Variants in KLHL29 observed in about 807,000 individuals in gnomAD.
KLHL29 encodes kelch-like protein 29.
In KLHL29, 21 loss-of-function variants were observed where a neutral mutation model predicts 80.4. The ratio of observed to expected loss-of-function variants is 0.26; its 90% CI spans 0.19 to 0.38. The LOEUF (loss-of-function observed/expected upper bound fraction) is 0.38, where lower values mean the gene tolerates loss of function less well. Ranked by LOEUF, KLHL29 falls within the 10% of genes least tolerant of loss-of-function variation. The probability of loss-of-function intolerance (pLI) is 1.00; values close to 1 mark genes in which losing one functional copy is unlikely to be tolerated. For synonymous variants in KLHL29, 511 were observed against 526.8 expected (o/e 0.97, Z 0.41); for missense variants, 867 against 1,223.9 (o/e 0.71, Z 4.35).
At chr2:23,463,222 CT>C (rs149100388) in intron 1 of KLHL29, among the ~76,000 whole-genome samples, 162 of 119,784 alleles carry the variant, frequency 1.4e-3, no homozygotes, top group African/African-American at 1.9e-3. Flanking sequence ...GTGTTTTTGG[CT>C]TTTTTTTTTT....
chr2:23,659,786 G>A (rs1023884936), intron 5 of KLHL29, among the ~76,000 whole-genome samples: 2 of 151,798 alleles, frequency 1.3e-5, no homozygotes, highest in African/African-American at 2.4e-5. Flanking sequence ...CCCTCCTCCA[G>A]GCCTGGCCAG....
intron 1 of KLHL29, among the ~76,000 whole-genome samples, chr2:23,397,842 A>C (rs1666489664): frequency 6.6e-6 from 1 of 152,252 alleles, no homozygotes; most frequent in Non-Finnish European, 1.5e-5. Flanking sequence ...ACCAATGGCC[A>C]ATAAGGACAC....
intron 2 of KLHL29, among the ~76,000 whole-genome samples, chr2:23,476,099 T>C (rs1372020619): frequency 6.6e-6 from 1 of 151,990 alleles, no homozygotes; most frequent in Non-Finnish European, 1.5e-5. Context: ...GGTCTCCAAC[T>C]CCTGACCTCA....
At position 23,553,503 on chromosome 2, in the gene KLHL29, C is replaced by T. The variant is rs145013099; in HGVS notation, c.-45-8649C>T. Among the ~76,000 whole-genome samples the T allele has an allele frequency of 8.5e-5, 13 of 152,324 alleles. No homozygotes were observed. In the East Asian group the frequency reaches 2.3e-3, roughly 27 times the overall value. ...CCTTGGGTCCAGGCTGGCACCTACACGTGGCCCCTGCAAACCCCACATTTC... is the reference window on the plus strand; with the variant it reads ...CCTTGGGTCCAGGCTGGCACCTACATGTGGCCCCTGCAAACCCCACATTTC... On this transcript the variant is annotated intron_variant, in intron 2 of 13. Coordinates refer to ENST00000486442, the MANE Select transcript of KLHL29 (RefSeq NM_052920.2).
chr2:23,407,426 C>T (rs11680541), intron 1 of KLHL29, among the ~76,000 whole-genome samples: 39,288 of 151,568 alleles, frequency 0.26, 6,281 homozygotes, highest in Admixed American at 0.34. Flanking sequence ...TGTGTATTGA[C>T]GTACCTGTCC....
At chr2:23,588,391 C>T (rs1413444398) in intron 3 of KLHL29, among the ~76,000 whole-genome samples, 2 of 152,210 alleles carry the variant, frequency 1.3e-5, no homozygotes, top group Non-Finnish European at 2.9e-5. Context: ...GGCTGCTCCC[C>T]ACCCACCTTC....
chr2:23,606,827 G>C (rs1187042697), intron 3 of KLHL29, among the ~76,000 whole-genome samples: 1 of 152,176 alleles, frequency 6.6e-6, no homozygotes, highest in African/African-American at 2.4e-5. Flanking sequence ...GCTTATCTTA[G>C]CCCATTCAGG....
intron 2 of KLHL29, among the ~76,000 whole-genome samples, chr2:23,488,732 C>T (rs1389575275): frequency 6.6e-6 from 1 of 152,090 alleles, no homozygotes; most frequent in Admixed American, 6.6e-5. Context: ...CTACACAAAA[C>T]CACATCTAGA....
At chr2:23,687,851 T>G (rs1442544244) in intron 6 of KLHL29, among the ~76,000 whole-genome samples, 2 of 152,118 alleles carry the variant, frequency 1.3e-5, no homozygotes, top group South Asian at 4.2e-4. Flanking sequence ...AGGCTAGACC[T>G]GGGTCACAGG....
intron 2 of KLHL29, among the ~76,000 whole-genome samples, chr2:23,498,342 G>T (rs768846054): frequency 1.3e-5 from 2 of 151,718 alleles, no homozygotes; most frequent in Non-Finnish European, 2.9e-5. Context: ...CTCTACCTTG[G>T]CCTCCATACC....
intron 1 of KLHL29, among the ~76,000 whole-genome samples, chr2:23,443,091 A>G (rs527479648): frequency 6.6e-6 from 1 of 152,316 alleles, no homozygotes; most frequent in African/African-American, 2.4e-5. Flanking sequence ...AAAATTTCCA[A>G]CATAGAGAAA....
intron 3 of KLHL29, among the ~76,000 whole-genome samples, chr2:23,599,017 T>G (rs1242189734): frequency 6.6e-6 from 1 of 152,238 alleles, no homozygotes; most frequent in Non-Finnish European, 1.5e-5. Flanking sequence ...AACTCCAAGA[T>G]TCCTGTCCCA....
chr2:23,660,430 C>G (rs962487200), intron 5 of KLHL29, among the ~76,000 whole-genome samples: 1 of 152,338 alleles, frequency 6.6e-6, no homozygotes, highest in East Asian at 1.9e-4. Context: ...ATCCCTGGAC[C>G]CCCTGCAGCT....
chr2:23,615,185 C>A (rs975423773), intron 3 of KLHL29, among the ~76,000 whole-genome samples: 1 of 152,230 alleles, frequency 6.6e-6, no homozygotes, highest in African/African-American at 2.4e-5. Context: ...TGGGCTTCGG[C>A]TTATCCTCAC....
intron 1 of KLHL29, among the ~76,000 whole-genome samples, chr2:23,417,616 T>C (rs1662619057): frequency 6.6e-6 from 1 of 152,202 alleles, no homozygotes; most frequent in African/African-American, 2.4e-5. Context: ...CAGTCGTGGA[T>C]GGAGGCTCTG....
chr2:23,675,154 C>T (rs759912705), intron 5 of KLHL29, among the ~76,000 whole-genome samples: 10 of 152,194 alleles, frequency 6.6e-5, no homozygotes, highest in African/African-American at 1.4e-4. Flanking sequence ...CTTCCTCTCC[C>T]GCTCGGAATA....
At chr2:23,422,452 TTG>T (rs1017866069) in intron 1 of KLHL29, among the ~76,000 whole-genome samples, 3 of 149,830 alleles carry the variant, frequency 2.0e-5, no homozygotes, top group African/African-American at 4.9e-5. Context: ...TTCCTGTGTG[TTG>T]TGTGTCTTTT....
intron 1 of KLHL29, among the ~76,000 whole-genome samples, chr2:23,461,975 C>CTTTT (rs1164075132): frequency 1.0e-4 from 8 of 79,546 alleles, no homozygotes; most frequent in East Asian, 2.6e-4. Flanking sequence ...CGGTTTTTGC[C>CTTTT]ATTTTTTTTT....
chr2:23,499,853 C>T (rs780648624), intron 2 of KLHL29, among the ~76,000 whole-genome samples: 26 of 152,228 alleles, frequency 1.7e-4, no homozygotes, highest in Non-Finnish European at 2.9e-4. Context: ...ATATTTGAGG[C>T]GCATTCTCTA....
Sources: gnomAD v4.1 joint callset for allele counts (sites outside exome capture counted in the v4.1 genomes callset) on GRCh38, gnomAD v4.1.1 for gene constraint, MANE v1.5 for transcripts, NCBI Gene and HGNC (gene_info 2026-07-23, HGNC 2026-07-21) for gene names.